The following PRELID2 variants were observed in gnomAD, a reference collection of about 807,000 sequenced individuals.
PRELID2 encodes PRELI domain containing 2, also known as PRELI domain-containing protein 2.
A neutral mutation model predicts 28.4 loss-of-function variants in PRELID2; 25 were observed. That is an observed-to-expected ratio of 0.88 (90% CI 0.64 to 1.23). PRELID2 has a LOEUF of 1.23. Among genes scored for constraint, PRELID2 ranks in the 50% most tolerant of loss-of-function variants. PRELID2 has a pLI of 0.00. For missense variants in PRELID2, 201 were observed against 214.4 expected (o/e 0.94, Z 0.39); for synonymous variants, 76 against 71.6 (o/e 1.06, Z -0.31).
chr5:145,619,568 G>A (rs767513599), intron 1 of PRELID2, among the ~76,000 whole-genome samples: 4 of 152,194 alleles, frequency 2.6e-5, no homozygotes, highest in Non-Finnish European at 4.4e-5. Context: ...CCCAGGTCCT[G>A]TAGGAGCAGT....
chr5:145,725,988 G>A (rs964386488), intron 1 of PRELID2, among the ~76,000 whole-genome samples: 1 of 151,976 alleles, frequency 6.6e-6, no homozygotes, highest in Non-Finnish European at 1.5e-5. Flanking sequence ...TTTGAGACCA[G>A]CTAGGGCAAC....
intron 1 of PRELID2, chr5:145,729,252 A>T: frequency 2.9e-6 from 3 of 1,049,952 alleles, no homozygotes; most frequent in South Asian, 2.6e-5. Flanking sequence ...TGCTGCAAAA[A>T]TTGCTAACAT....
At chr5:145,334,265 C>T in the PRELID2 span, among the ~76,000 whole-genome samples, 1 of 152,152 alleles carries the variant, frequency 6.6e-6, no homozygotes, top group Non-Finnish European at 1.5e-5. Context: ...TACTATGAGG[C>T]TTACATAAAA....
chr5:145,815,640 T>C (rs1018820879), intron 4 of PRELID2, among the ~76,000 whole-genome samples: 9 of 152,268 alleles, frequency 5.9e-5, no homozygotes, highest in Admixed American at 2.6e-4. Context: ...TCTGGACTTT[T>C]CAAATAAATG....
chr5:145,566,472 G>A (rs1388396489), intron 1 of PRELID2, among the ~76,000 whole-genome samples: 1 of 152,024 alleles, frequency 6.6e-6, no homozygotes. Context: ...AAGAGAAGAG[G>A]AAAAGAAAGG....
intron 1 of PRELID2, among the ~76,000 whole-genome samples, chr5:145,645,389 G>A (rs1043314837): frequency 8.4e-6 from 1 of 118,920 alleles, no homozygotes; most frequent in African/African-American, 3.5e-5. Context: ...CATTTGCTTG[G>A]TAAATATCCC....
At chr5:145,471,282 C>T (rs1328271696), downstream of PRELID2, among the ~76,000 whole-genome samples, 2 of 152,094 alleles carry the variant, frequency 1.3e-5, no homozygotes, top group African/African-American at 4.8e-5. Context: ...GAGAGCTTCT[C>T]CTTACTGCTG....
chr5:145,597,510 G>C (rs568239260), intron 1 of PRELID2, among the ~76,000 whole-genome samples: 2 of 152,120 alleles, frequency 1.3e-5, no homozygotes, highest in African/African-American at 2.4e-5. Context: ...AGATAAATGA[G>C]TATTGGGTTG....
At chr5:145,453,639 A>T in the PRELID2 span, among the ~76,000 whole-genome samples, 1 of 151,968 alleles carries the variant, frequency 6.6e-6, no homozygotes, top group Admixed American at 6.6e-5. Context: ...GACAGGCCCC[A>T]GTGTGTGATG....
chr5:145,339,656 T>A, the PRELID2 span, among the ~76,000 whole-genome samples: 6 of 152,102 alleles, frequency 3.9e-5, no homozygotes, highest in African/African-American at 1.4e-4. Flanking sequence ...TACATTCCCA[T>A]GCACTCTGAG....
rs9885401 is a variant in PRELID2, at chr5:145,613,568, C to A, written n.71-140253G>T. 1.0e-2 allele frequency among the ~76,000 whole-genome samples: 1,511 copies of A among 151,380 alleles called. 25 individuals are homozygous for A. Among genetic ancestry groups the A allele is most frequent in the African/African-American group, 0.034 (1,409 of 41,286 alleles). ...GCAAACTATTGCAAGGACAAAAAAA[C>A]AAACACCGCATGTTCTCACTCACAG... On this transcript the variant is annotated intron_variant and non_coding_transcript_variant, in intron 1 of 2. Coordinates refer to the PRELID2 transcript ENST00000510259.
chr5:145,613,065 T>C (rs1753641208), intron 1 of PRELID2, among the ~76,000 whole-genome samples: 1 of 152,176 alleles, frequency 6.6e-6, no homozygotes, highest in Admixed American at 6.5e-5. Context: ...CTGTTTTCCC[T>C]AACAGCTGTA....
At chr5:145,796,315 G>T in intron 5 of PRELID2, 127 bp downstream of exon 5, 1 of 486,210 alleles carries the variant, frequency 2.1e-6, no homozygotes, top group Non-Finnish European at 3.6e-6. Flanking sequence ...GATTATTTTT[G>T]CATATATTTG....
intron 1 of PRELID2, among the ~76,000 whole-genome samples, chr5:145,571,806 C>A (rs1462050385): frequency 6.6e-6 from 1 of 152,038 alleles, no homozygotes; most frequent in South Asian, 2.1e-4. Context: ...ACGGTGAAAC[C>A]CTGTCTCAAC....
intron 1 of PRELID2, among the ~76,000 whole-genome samples, chr5:145,484,388 C>T (rs116257718): frequency 6.6e-6 from 1 of 152,282 alleles, no homozygotes; most frequent in African/African-American, 2.4e-5. Flanking sequence ...TTCATGTAAG[C>T]AGATCCTCCT....
the PRELID2 span, among the ~76,000 whole-genome samples, chr5:145,305,767 T>C: frequency 6.6e-6 from 1 of 152,090 alleles, no homozygotes; most frequent in Non-Finnish European, 1.5e-5. Flanking sequence ...TCACTCAGGA[T>C]CTACCACATC....
chr5:145,373,688 G>A, the PRELID2 span, among the ~76,000 whole-genome samples: 1 of 36,800 alleles, frequency 2.7e-5, no homozygotes, highest in Non-Finnish European at 4.5e-5. Flanking sequence ...TATTATATAT[G>A]ATATTATATA....
At chr5:145,295,711 A>C in the PRELID2 span, among the ~76,000 whole-genome samples, 1 of 152,200 alleles carries the variant, frequency 6.6e-6, no homozygotes, top group Admixed American at 6.6e-5. Context: ...ACTGAAAACA[A>C]AGATTTGCCT....
At chr5:145,712,096 A>T (rs1755710937) in intron 1 of PRELID2, among the ~76,000 whole-genome samples, 1 of 152,250 alleles carries the variant, frequency 6.6e-6, no homozygotes, top group African/African-American at 2.4e-5. Context: ...CAAAGCCCTG[A>T]TACAATCAGC....
Sources: allele counts gnomAD v4.1 joint callset (sites outside exome capture counted in the v4.1 genomes callset), GRCh38; gene constraint gnomAD v4.1.1; transcripts MANE v1.5; gene names NCBI Gene and HGNC (gene_info 2026-07-23, HGNC 2026-07-21).